HRH1: variants seen among roughly 807,000 people sequenced by gnomAD.
HRH1 encodes the protein histamine receptor H1.
Under a neutral mutation model 10.3 loss-of-function variants are expected in HRH1, and 6 were observed. The observed-to-expected ratio is 0.58, with a 90% CI of 0.32 to 1.15. The LOEUF (loss-of-function observed/expected upper bound fraction) is 1.15. Among genes scored for constraint, HRH1 ranks in the 50% most tolerant of loss-of-function variants. HRH1 has a pLI of 0.05. For synonymous variants in HRH1, 242 were observed against 236.7 expected (o/e 1.02, Z -0.21); for missense variants, 514 against 615.3 (o/e 0.84, Z 1.74).
chr3:11,231,678 T>C (rs1468163028), intron 1 of HRH1, among the ~76,000 whole-genome samples: 2 of 152,222 alleles, frequency 1.3e-5, no homozygotes, highest in African/African-American at 4.8e-5. Flanking sequence ...CATTTTCTCA[T>C]TGGATTGTCT....
At chr3:11,179,032 A>G (rs1189215745) in intron 1 of HRH1, among the ~76,000 whole-genome samples, 4 of 152,228 alleles carry the variant, frequency 2.6e-5, no homozygotes, top group African/African-American at 9.7e-5. Context: ...TCATGCCTGT[A>G]ATCCCAGCAC....
intron 1 of HRH1, among the ~76,000 whole-genome samples, chr3:11,149,233 A>G (rs969125834): frequency 6.6e-6 from 1 of 152,246 alleles, no homozygotes; most frequent in African/African-American, 2.4e-5. Context: ...CTATAGATAT[A>G]TATTTTTAAA....
chr3:11,241,709 G>A (rs569536081), intron 1 of HRH1, among the ~76,000 whole-genome samples: 22 of 152,086 alleles, frequency 1.4e-4, no homozygotes, highest in East Asian at 9.7e-4. Context: ...GGTAGCGGGC[G>A]CCTGTGGTCC....
chr3:11,253,027 C>T (rs1376234155), intron 1 of HRH1: 3 of 152,070 alleles, frequency 2.0e-5, no homozygotes, highest in East Asian at 1.9e-4. Context: ...TAGATTTGTC[C>T]CTGCTTCTGG....
chr3:11,147,101 A>C (rs1359338005), intron 1 of HRH1, among the ~76,000 whole-genome samples: 4 of 152,098 alleles, frequency 2.6e-5, no homozygotes, highest in Admixed American at 2.6e-4. Context: ...TACCGTTCTC[A>C]CTCACCTGAG....
chr3:11,232,711 GT>G (rs1939074541), intron 1 of HRH1, among the ~76,000 whole-genome samples: 1 of 152,072 alleles, frequency 6.6e-6, no homozygotes, highest in South Asian at 2.1e-4. Context: ...AAATCTGTAC[GT>G]TAATTTGGGA....
At chr3:11,220,942 A>T (rs1469917246) in intron 1 of HRH1, among the ~76,000 whole-genome samples, 2 of 152,230 alleles carry the variant, frequency 1.3e-5, no homozygotes, top group Non-Finnish European at 2.9e-5. Flanking sequence ...CATAAAAGAG[A>T]CGAATCCCCA....
At chr3:11,211,464 G>A (rs1284410624) in intron 1 of HRH1, among the ~76,000 whole-genome samples, 2 of 152,184 alleles carry the variant, frequency 1.3e-5, no homozygotes, top group Non-Finnish European at 1.5e-5. Context: ...AAATTAAGAC[G>A]TGAAACAGTG....
intron 1 of HRH1, among the ~76,000 whole-genome samples, chr3:11,211,077 A>C (rs182382620): frequency 1.4e-4 from 22 of 152,386 alleles, no homozygotes; most frequent in African/African-American, 4.8e-4. Flanking sequence ...TAAAGTAGCA[A>C]GCAAATAAAT....
At chr3:11,233,055 A>G (rs1330680447) in intron 1 of HRH1, among the ~76,000 whole-genome samples, 1 of 152,092 alleles carries the variant, frequency 6.6e-6, no homozygotes, top group African/African-American at 2.4e-5. Flanking sequence ...CATTTTCAAG[A>G]GTTTAATTAT....
At chr3:11,242,480 CAAAAAAAAAAAAAAAAAA>C (rs35809891) in intron 1 of HRH1, among the ~76,000 whole-genome samples, 1 of 50,362 alleles carries the variant, frequency 2.0e-5, no homozygotes, top group African/African-American at 7.1e-5. Flanking sequence ...GACTCCGTCT[CAAAAAAAAAAAAAAAAAA>C]AAAAAAAAAA....
chr3:11,215,884 A>C (rs1192820851), intron 1 of HRH1, among the ~76,000 whole-genome samples: 1 of 152,138 alleles, frequency 6.6e-6, no homozygotes, highest in African/African-American at 2.4e-5. Context: ...CTACACATAC[A>C]CATTCTGTTT....
At chr3:11,165,926 C>T (rs1230667047) in intron 1 of HRH1, among the ~76,000 whole-genome samples, 1 of 152,176 alleles carries the variant, frequency 6.6e-6, no homozygotes, top group African/African-American at 2.4e-5. Context: ...GTGTACTGAG[C>T]GTCTCCTGTG....
chr3:11,249,270 G>T (rs1444935968), intron 1 of HRH1, among the ~76,000 whole-genome samples: 1 of 151,996 alleles, frequency 6.6e-6, no homozygotes, highest in Admixed American at 6.6e-5. Flanking sequence ...GGGCATGGTG[G>T]CAGGTGCCTG....
At chr3:11,215,449 G>T (rs971218285) in intron 1 of HRH1, among the ~76,000 whole-genome samples, 7 of 152,060 alleles carry the variant, frequency 4.6e-5, no homozygotes, top group African/African-American at 7.2e-5. Flanking sequence ...TTTTGTTTTT[G>T]ATTTTTTTTG....
In HRH1 at chr3:11,262,395, C is replaced by T. The variant is rs986789724; in HGVS notation, c.*1894C>T. On this transcript the variant is annotated 3_prime_UTR_variant, in exon 2 of 2. Transcript: ENST00000431010. ...GTTAACAGAGTTTGATATGGGCTTT[C>T]TCTTTGGTTTCTCATCACATTTGTA... The T allele has an allele frequency of 1.8e-5, 3 of 167,086 alleles. No individual in the cohort carries two copies. In the East Asian group the frequency reaches 5.8e-4, roughly 32 times the overall value. The allele number at this position is 167,086 out of a possible 1,614,324, so 10.4% of individuals were successfully genotyped here.
intron 1 of HRH1, among the ~76,000 whole-genome samples, chr3:11,192,711 T>C (rs1937569246): frequency 6.6e-6 from 1 of 152,170 alleles, no homozygotes. Flanking sequence ...CAAGACCCTG[T>C]CTCTAAAATA....
chr3:11,147,171 T>G (rs1487386403), intron 1 of HRH1, among the ~76,000 whole-genome samples: 1 of 152,224 alleles, frequency 6.6e-6, no homozygotes, highest in Non-Finnish European at 1.5e-5. Context: ...CTTATTTGTT[T>G]TCCTTTCCTC....
intron 1 of HRH1, among the ~76,000 whole-genome samples, chr3:11,156,157 G>A (rs965432018): frequency 2.0e-5 from 3 of 152,208 alleles, no homozygotes; most frequent in East Asian, 1.9e-4. Flanking sequence ...GTAAATCCTC[G>A]AGTGTGATTC....
Sources: allele counts gnomAD v4.1 joint callset (sites outside exome capture counted in the v4.1 genomes callset), GRCh38; gene constraint gnomAD v4.1.1; transcripts MANE v1.5; gene names NCBI Gene and HGNC (gene_info 2026-07-23, HGNC 2026-07-21).